The following ELMO1 variants were observed in gnomAD, a reference collection of about 807,000 sequenced individuals.
The protein encoded by ELMO1 is engulfment and cell motility 1, also known as engulfment and cell motility protein 1.
ELMO1 carries 26 observed loss-of-function variants against 98.9 expected under a neutral mutation model. The observed-to-expected ratio is 0.26, with a 90% CI of 0.19 to 0.36. The LOEUF is 0.36. Among genes scored for constraint, ELMO1 ranks in the 10% least tolerant of loss-of-function variants. The pLI is 1.00. For missense variants in ELMO1, 627 were observed against 935.2 expected (o/e 0.67, Z 4.30); for synonymous variants, 346 against 346.0 (o/e 1.00, Z 0.00).
At chr7:37,279,489 G>A (rs1311204509) in intron 4 of ELMO1, among the ~76,000 whole-genome samples, 1 of 152,138 alleles carries the variant, frequency 6.6e-6, no homozygotes, top group Non-Finnish European at 1.5e-5. Flanking sequence ...GCAATACCCG[G>A]GAGACACCCC....
At chr7:37,172,524 CCTG>C (rs1267012532) in intron 13 of ELMO1, among the ~76,000 whole-genome samples, 15 of 152,150 alleles carry the variant, frequency 9.9e-5, no homozygotes, top group African/African-American at 3.6e-4. Context: ...GCTTATTATT[CCTG>C]CTATTCTTTC....
chr7:37,181,208 T>C (rs1790840796), intron 13 of ELMO1, among the ~76,000 whole-genome samples: 1 of 152,176 alleles, frequency 6.6e-6, no homozygotes, highest in African/African-American at 2.4e-5. Flanking sequence ...AAGTGTTAGA[T>C]GGCAAACCAT....
chr7:37,411,506 T>C (rs1452123801), intron 1 of ELMO1, among the ~76,000 whole-genome samples: 2 of 152,172 alleles, frequency 1.3e-5, no homozygotes, highest in African/African-American at 4.8e-5. Flanking sequence ...CCTTTAAGTG[T>C]GCTAAGTTAG....
At chr7:36,964,496 A>G (rs1789241628) in intron 16 of ELMO1, among the ~76,000 whole-genome samples, 1 of 152,254 alleles carries the variant, frequency 6.6e-6, no homozygotes, top group Non-Finnish European at 1.5e-5. Flanking sequence ...CTCTCACATC[A>G]TCATAAAGTT....
At chr7:37,249,039 CAGCCCTCAGT>C (rs1259189794) in intron 6 of ELMO1, among the ~76,000 whole-genome samples, 1 of 152,222 alleles carries the variant, frequency 6.6e-6, no homozygotes, top group East Asian at 1.9e-4. Context: ...GAGTATGGTT[CAGCCCTCAGT>C]AACGTACATT....
chr7:37,230,678 A>T (rs1344965690), intron 8 of ELMO1, among the ~76,000 whole-genome samples: 1 of 152,238 alleles, frequency 6.6e-6, no homozygotes, highest in African/African-American at 2.4e-5. Context: ...TCTATAGCAA[A>T]AGAGGCTCTC....
At position 37,192,982 on chromosome 7, in the gene ELMO1, TATATATATATATATATATATATATATAC is replaced by T. The variant is rs1490510097; in HGVS notation, c.1086+18376_1086+18403del. Among the ~76,000 whole-genome samples, 4 of 46,832 alleles carry T rather than the reference TATATATATATATATATATATATATATAC, an allele frequency of 8.5e-5. 1 individual carries two copies. Among genetic ancestry groups the T allele is most frequent in the African/African-American group, 2.8e-4 (4 of 14,154 alleles). The allele number at this position is 46,832 out of a possible 152,430, so 30.7% of individuals were successfully genotyped here. On this transcript the variant is annotated intron_variant, in intron 13 of 21. Coordinates refer to ENST00000310758, the MANE Select transcript of ELMO1 (RefSeq NM_014800.11). ...TATATATATAGGAGATATATATATA[TATATATATATATATATATATATATATAC>T]ACACACACACATTTAAAGAGTGGAA...
At chr7:37,204,701 G>A (rs1421789153) in intron 13 of ELMO1, among the ~76,000 whole-genome samples, 1 of 152,332 alleles carries the variant, frequency 6.6e-6, no homozygotes, top group African/African-American at 2.4e-5. Flanking sequence ...ACAGAGTGCT[G>A]ATTGGTCTGT....
intron 13 of ELMO1, among the ~76,000 whole-genome samples, chr7:37,188,465 CACACAG>C (rs1791360421): frequency 9.8e-6 from 1 of 101,670 alleles, no homozygotes; most frequent in Non-Finnish European, 1.9e-5. Context: ...AACACACACA[CACACAG>C]GCCACTGGAG....
At chr7:36,885,733 T>C (rs1804927475) in intron 18 of ELMO1, among the ~76,000 whole-genome samples, 1 of 152,184 alleles carries the variant, frequency 6.6e-6, no homozygotes, top group African/African-American at 2.4e-5. Context: ...AGATGAGAAC[T>C]TGGGGCCTTG....
At chr7:37,383,861 G>A (rs1802675653) in intron 1 of ELMO1, among the ~76,000 whole-genome samples, 1 of 152,158 alleles carries the variant, frequency 6.6e-6, no homozygotes, top group South Asian at 2.1e-4. Context: ...TGTTGCCCAG[G>A]CTGGAGTGCA....
At chr7:36,946,729 T>C (rs761353971) in intron 16 of ELMO1, among the ~76,000 whole-genome samples, 4 of 152,170 alleles carry the variant, frequency 2.6e-5, no homozygotes, top group African/African-American at 7.2e-5. Context: ...TGGGAGTTCA[T>C]CTTCTCCTGC....
intron 13 of ELMO1, among the ~76,000 whole-genome samples, chr7:37,158,131 C>T (rs1057106128): frequency 6.6e-6 from 1 of 152,158 alleles, no homozygotes; most frequent in Non-Finnish European, 1.5e-5. Context: ...GATTCCCTTC[C>T]TTACACCTTA....
intron 14 of ELMO1, among the ~76,000 whole-genome samples, chr7:37,123,833 A>G (rs1170668188): frequency 6.6e-6 from 1 of 152,206 alleles, no homozygotes; most frequent in Non-Finnish European, 1.5e-5. Context: ...AGACACAACA[A>G]AAAAAGAGAA....
chr7:37,067,785 T>C (rs1413850235), intron 15 of ELMO1, among the ~76,000 whole-genome samples: 1 of 151,834 alleles, frequency 6.6e-6, no homozygotes, highest in Non-Finnish European at 1.5e-5. Flanking sequence ...ACCATAAAGG[T>C]TTAAAAAAAA....
chr7:37,228,326 T>G (rs1793979201), intron 8 of ELMO1, among the ~76,000 whole-genome samples: 1 of 152,198 alleles, frequency 6.6e-6, no homozygotes, highest in Non-Finnish European at 1.5e-5. Context: ...CTAGAGAAGG[T>G]TATTCATGCC....
chr7:37,063,538 T>A (rs1181412187), intron 15 of ELMO1, among the ~76,000 whole-genome samples: 1 of 152,178 alleles, frequency 6.6e-6, no homozygotes, highest in Non-Finnish European at 1.5e-5. Flanking sequence ...ACATTACCTA[T>A]AGTATCAGCA....
intron 7 of ELMO1, among the ~76,000 whole-genome samples, chr7:37,242,974 G>C (rs1254061217): frequency 6.6e-6 from 1 of 152,176 alleles, no homozygotes; most frequent in Non-Finnish European, 1.5e-5. Flanking sequence ...CCTTCTGCCT[G>C]TTTTGGGTTG....
chr7:36,958,193 C>T (rs1476261828), intron 16 of ELMO1, among the ~76,000 whole-genome samples: 1 of 152,160 alleles, frequency 6.6e-6, no homozygotes, highest in Non-Finnish European at 1.5e-5. Flanking sequence ...TTCATGAATA[C>T]ATCCCCAGTA....
Sources: allele counts gnomAD v4.1 joint callset (sites outside exome capture counted in the v4.1 genomes callset), GRCh38; gene constraint gnomAD v4.1.1; transcripts MANE v1.5; gene names NCBI Gene and HGNC (gene_info 2026-07-23, HGNC 2026-07-21).